The following LRRC4C variants were observed in gnomAD, a reference collection of about 807,000 sequenced individuals.
LRRC4C encodes the protein leucine rich repeat containing 4C.
In LRRC4C, 5 loss-of-function variants were observed where a neutral mutation model predicts 33.6. That is an observed-to-expected ratio of 0.15 (90% CI 0.08 to 0.31). The LOEUF is 0.31. Ranked by LOEUF, LRRC4C falls within the 10% of genes least tolerant of loss-of-function variation. LRRC4C has a pLI of 1.00. For missense variants in LRRC4C, 560 were observed against 796.7 expected, an observed-to-expected ratio of 0.70 and a Z score of 3.58; for synonymous variants, 329 against 302.0, an observed-to-expected ratio of 1.09 and a Z score of -0.93.
At chr11:40,150,891 G>C (rs984503737) in intron 5 of LRRC4C, among the ~76,000 whole-genome samples, 1 of 152,098 alleles carries the variant, frequency 6.6e-6, no homozygotes, top group Non-Finnish European at 1.5e-5. Flanking sequence ...GAGGTAGAGA[G>C]AGTTAAGATT....
intron 1 of LRRC4C, among the ~76,000 whole-genome samples, chr11:41,407,739 C>T (rs936260677): frequency 1.3e-5 from 2 of 152,186 alleles, no homozygotes; most frequent in African/African-American, 4.8e-5. Context: ...TATCGAGAAT[C>T]TATAGTGTCT....
chr11:41,221,943 C>G (rs868245078), intron 1 of LRRC4C, among the ~76,000 whole-genome samples: 1 of 152,130 alleles, frequency 6.6e-6, no homozygotes, highest in Non-Finnish European at 1.5e-5. Flanking sequence ...ACTATCCACT[C>G]CAACACACAT....
At position 40,469,378 on chromosome 11, in the gene LRRC4C, G is replaced by A. The variant is rs539637119; in HGVS notation, c.-269-149657C>T. 1.2e-4 allele frequency among the ~76,000 whole-genome samples: 19 copies of A among 152,230 alleles called. No individual in the cohort carries two copies. The South Asian group carries it at 3.5e-3, about 28-fold the overall frequency. On this transcript the variant is annotated intron_variant, in intron 3 of 6. Transcript: ENST00000528697. ...ATACTATGCTTTTCCCGTGGTCTTC[G>A]CAACCCACAGACCAGGAGATTCCCT...
At chr11:40,970,351 T>C (rs1329851278) in intron 1 of LRRC4C, among the ~76,000 whole-genome samples, 1 of 152,124 alleles carries the variant, frequency 6.6e-6, no homozygotes, top group Non-Finnish European at 1.5e-5. Flanking sequence ...GTTCTGGTTG[T>C]TTAAAAGTGT....
intron 1 of LRRC4C, among the ~76,000 whole-genome samples, chr11:40,989,767 C>A (rs1853368881): frequency 6.6e-6 from 1 of 151,996 alleles, no homozygotes; most frequent in Non-Finnish European, 1.5e-5. Context: ...CAAAAATAAT[C>A]AGAGAATCTT....
At chr11:41,350,240 G>A (rs888977625) in intron 1 of LRRC4C, among the ~76,000 whole-genome samples, 1 of 152,210 alleles carries the variant, frequency 6.6e-6, no homozygotes, top group African/African-American at 2.4e-5. Context: ...GTCAGGTGCA[G>A]TGGCTCACGC....
chr11:41,183,536 G>T (rs1259655835), intron 1 of LRRC4C, among the ~76,000 whole-genome samples: 1 of 152,264 alleles, frequency 6.6e-6, no homozygotes, highest in East Asian at 1.9e-4. Context: ...AGGTCATGCT[G>T]GTGCAAGAGA....
At chr11:41,231,672 C>T (rs935468264) in intron 1 of LRRC4C, among the ~76,000 whole-genome samples, 12 of 151,510 alleles carry the variant, frequency 7.9e-5, no homozygotes, top group African/African-American at 1.9e-4. Flanking sequence ...GTAAATGACG[C>T]GTTAATGGGT....
At chr11:40,143,374 T>G (rs1168713468) in intron 5 of LRRC4C, among the ~76,000 whole-genome samples, 1 of 152,114 alleles carries the variant, frequency 6.6e-6, no homozygotes, top group African/African-American at 2.4e-5. Context: ...TAATGGCCAG[T>G]CATAATTTTT....
At chr11:41,262,971 C>A (rs145121238) in intron 1 of LRRC4C, among the ~76,000 whole-genome samples, 34 of 152,188 alleles carry the variant, frequency 2.2e-4, no homozygotes, top group Non-Finnish European at 4.3e-4. Context: ...CATCGCATGG[C>A]CTCTTAGTGT....
chr11:40,630,880 A>T (rs1054350900), intron 3 of LRRC4C, among the ~76,000 whole-genome samples: 3 of 152,160 alleles, frequency 2.0e-5, no homozygotes, highest in African/African-American at 7.2e-5. Flanking sequence ...AATGTACTTT[A>T]TATGTTCTCA....
intron 4 of LRRC4C, among the ~76,000 whole-genome samples, chr11:40,269,625 C>A (rs1942537838): frequency 6.6e-6 from 1 of 152,152 alleles, no homozygotes; most frequent in Non-Finnish European, 1.5e-5. Flanking sequence ...TAAGATTCCA[C>A]TTTTTCTTTC....
chr11:41,064,692 C>T (rs879268933), intron 1 of LRRC4C, among the ~76,000 whole-genome samples: 3 of 152,106 alleles, frequency 2.0e-5, no homozygotes, highest in Non-Finnish European at 2.9e-5. Context: ...ATGCAGAAGG[C>T]GGGTGATTTC....
intron 2 of LRRC4C, among the ~76,000 whole-genome samples, chr11:40,820,520 C>T (rs541488680): frequency 2.6e-5 from 4 of 151,780 alleles, no homozygotes; most frequent in Non-Finnish European, 5.9e-5. Context: ...TGGGGTTTAT[C>T]CTATAAATCC....
chr11:40,822,253 T>C (rs967107729), intron 2 of LRRC4C, among the ~76,000 whole-genome samples: 4 of 151,810 alleles, frequency 2.6e-5, no homozygotes, highest in African/African-American at 9.7e-5. Flanking sequence ...ATGTGATATT[T>C]GTCTTTCTGT....
intron 3 of LRRC4C, among the ~76,000 whole-genome samples, chr11:40,379,104 G>C (rs539031732): frequency 6.6e-6 from 1 of 152,176 alleles, no homozygotes; most frequent in African/African-American, 2.4e-5. Flanking sequence ...AAGAAGAGGA[G>C]ATAAAGTTAT....
intron 5 of LRRC4C, among the ~76,000 whole-genome samples, chr11:40,173,953 C>A (rs968999824): frequency 1.3e-5 from 2 of 152,060 alleles, no homozygotes; most frequent in African/African-American, 4.8e-5. Context: ...AGGCAGAGAC[C>A]CCTAAAGTTC....
Position 40,653,944 on chromosome 11 carries a change from C to T in LRRC4C, c.-406-5666G>A, listed in dbSNP as rs543008250. ...TCCAGCTGAACATTTTTAAATTGGG[C>T]CAAGGTACAGCTCAGGCCATTGCTT... On this transcript the variant is annotated intron_variant, in intron 2 of 6. Transcript: ENST00000528697. Among the ~76,000 whole-genome samples, 3 of 152,244 alleles carry T rather than the reference C, an allele frequency of 2.0e-5. No individual in the cohort carries two copies. In the South Asian group the frequency reaches 6.2e-4, roughly 32 times the overall value.
chr11:41,373,908 T>C (rs1952845457), intron 1 of LRRC4C, among the ~76,000 whole-genome samples: 1 of 152,198 alleles, frequency 6.6e-6, no homozygotes. Flanking sequence ...GAATGTTGGA[T>C]AATACCATGT....
Sources: gnomAD v4.1 joint callset for allele counts (sites outside exome capture counted in the v4.1 genomes callset) on GRCh38, gnomAD v4.1.1 for gene constraint, MANE v1.5 for transcripts, NCBI Gene and HGNC (gene_info 2026-07-23, HGNC 2026-07-21) for gene names.